SEMA4D: variants seen among roughly 807,000 people sequenced by gnomAD.
SEMA4D encodes the protein semaphorin-4D.
Under a neutral mutation model 74.8 loss-of-function variants are expected in SEMA4D, and 22 were observed. The ratio of observed to expected loss-of-function variants is 0.29; its 90% CI spans 0.21 to 0.42. The LOEUF (loss-of-function observed/expected upper bound fraction) is 0.42. SEMA4D is among the 10% of genes least tolerant of loss of function. SEMA4D has a pLI of 1.00. For synonymous variants in SEMA4D, 445 were observed against 463.7 expected (o/e 0.96, Z 0.52); for missense variants, 937 against 1,118.4 (o/e 0.84, Z 2.31).
At chr9:89,430,860 C>G (rs1587835794) in intron 2 of SEMA4D, among the ~76,000 whole-genome samples, 1 of 141,234 alleles carries the variant, frequency 7.1e-6, no homozygotes, top group African/African-American at 2.4e-5. Context: ...GCCTGTAATC[C>G]CAGCTACTCA....
At chr9:89,430,215 T>TCA (rs1189090023) in intron 2 of SEMA4D, among the ~76,000 whole-genome samples, 1 of 152,126 alleles carries the variant, frequency 6.6e-6, no homozygotes, top group African/African-American at 2.4e-5. Flanking sequence ...GAGGAAGTTT[T>TCA]CAGCAATACT....
intron 2 of SEMA4D, chr9:89,436,402 T>A (rs1019869944): frequency 6.6e-5 from 10 of 152,196 alleles, no homozygotes; most frequent in African/African-American, 2.4e-4. Context: ...CAGGACACCA[T>A]CTGGCCCCGC....
chr9:89,371,047 CAG>C (rs533738743), intron 16 of SEMA4D, among the ~76,000 whole-genome samples: 16 of 74,926 alleles, frequency 2.1e-4, no homozygotes, highest in African/African-American at 8.5e-4. Flanking sequence ...TGGTGTGTGT[CAG>C]GGGTATGTGT....
rs770903821 is a variant in SEMA4D at position 89,363,897 on chromosome 9, A to AG, written c.1935dup (p.Cys646LeufsTer29). On this transcript the variant is annotated frameshift_variant, in exon 17 of 19. Transcript: ENST00000339861. LOFTEE classifies it high-confidence loss of function. Reference sequence around the variant, plus strand: ...AGTGCATGGGTCTGCACAGGGACACAGGTCTCCAGAGCTCGCCCATTCTTC... The same window carrying AG: ...AGTGCATGGGTCTGCACAGGGACACAGGGTCTCCAGAGCTCGCCCATTCTTC... The AG allele has an allele frequency of 1.9e-6, 3 of 1,614,104 alleles. No individual in the cohort carries two copies. The highest frequency in any genetic ancestry group is 2.5e-6 in the Non-Finnish European group (3 of 1,180,016).
chr9:89,427,769 T>C (rs558286144), intron 2 of SEMA4D, among the ~76,000 whole-genome samples: 112 of 152,338 alleles, frequency 7.4e-4, no homozygotes, highest in African/African-American at 2.5e-3. Context: ...GTGGGGGTTC[T>C]CATTTTCCGA....
At chr9:89,379,705 A>G in intron 15 of SEMA4D, 76 bp from the exon 16 acceptor site, 1 of 1,467,070 alleles carries the variant, frequency 6.8e-7, no homozygotes, top group Non-Finnish European at 9.2e-7. Context: ...AAATACCCAC[A>G]AGATGACGCA....
At chr9:89,392,311 C>T in intron 8 of SEMA4D, 112 bp downstream of exon 8, 1 of 747,570 alleles carries the variant, frequency 1.3e-6, no homozygotes, top group Non-Finnish European at 2.3e-6. Flanking sequence ...CAAACAGGGG[C>T]TAACACAAGC....
At chr9:89,382,751 G>A (rs893395503) in intron 13 of SEMA4D, among the ~76,000 whole-genome samples, 9 of 152,242 alleles carry the variant, frequency 5.9e-5, no homozygotes, top group African/African-American at 1.9e-4. Context: ...CCAAGGGACA[G>A]CTGGTCCTGT....
chr9:89,385,866 G>GGGGGGGGGGGGGGGCCCC, intron 13 of SEMA4D: 3 of 196,226 alleles, frequency 1.5e-5, no homozygotes, highest in Non-Finnish European at 2.7e-5. Context: ...CAGCGTGGAT[G>GGGGGGGGGGGGGGGCCCC]CCCGCCCACC....
At chr9:89,414,784 C>T (rs1344969980) in intron 2 of SEMA4D, among the ~76,000 whole-genome samples, 2 of 152,214 alleles carry the variant, frequency 1.3e-5, no homozygotes. Flanking sequence ...CTGTGTTGGG[C>T]CGGACTCACC....
intron 13 of SEMA4D, chr9:89,385,166 C>G: frequency 1.1e-6 from 1 of 893,850 alleles, no homozygotes; most frequent in Non-Finnish European, 1.3e-6. Context: ...CTGTGCGGCC[C>G]TCCTCTTCCT....
At chr9:89,374,834 CCT>C (rs1165766078), downstream of SEMA4D, among the ~76,000 whole-genome samples, 15 of 152,176 alleles carry the variant, frequency 9.9e-5, no homozygotes, top group African/African-American at 3.1e-4. Flanking sequence ...AGGTGGATCC[CCT>C]GAGGTCAGTA....
At chr9:89,400,688 G>C (rs992502384) in intron 4 of SEMA4D, among the ~76,000 whole-genome samples, 2 of 152,200 alleles carry the variant, frequency 1.3e-5, no homozygotes, top group Non-Finnish European at 2.9e-5. Context: ...TCGTCAACTC[G>C]CATGAAATGC....
In SEMA4D at chr9:89,465,754, C is replaced by T. The variant is rs111539580; in HGVS notation, c.-309-9801G>A. On this transcript the variant is annotated intron_variant, in intron 1 of 15. Coordinates refer to ENST00000422704, the MANE Select transcript of SEMA4D (RefSeq NM_001371194.2). Reference sequence around the variant, plus strand: ...CTGAACCCATTTGCACGTCTAGGGACAAGGATTATTTGCATTGCCTTCGGA... The same window carrying T: ...CTGAACCCATTTGCACGTCTAGGGATAAGGATTATTTGCATTGCCTTCGGA... 5.7e-3 allele frequency among the ~76,000 whole-genome samples: 863 copies of T among 152,330 alleles called. 7 individuals carry two copies. The highest frequency in any genetic ancestry group is 0.02 in the African/African-American group (820 of 41,550).
chr9:89,373,080 C>CA (rs1160690902), downstream of SEMA4D, among the ~76,000 whole-genome samples: 2 of 152,124 alleles, frequency 1.3e-5, no homozygotes, highest in African/African-American at 4.8e-5. Context: ...TGGATGGGCA[C>CA]TGAGGCCCCT....
At chr9:89,426,044 A>C (rs993812241) in intron 2 of SEMA4D, among the ~76,000 whole-genome samples, 1 of 152,204 alleles carries the variant, frequency 6.6e-6, no homozygotes, top group Non-Finnish European at 1.5e-5. Flanking sequence ...GCCTGGGGAG[A>C]TGCCCTGCAC....
rs138187805 is a variant in SEMA4D at position 89,496,206 on chromosome 9, C to A, written c.-310+1713G>T. Among the ~76,000 whole-genome samples the A allele has an allele frequency of 8.5e-4, 129 of 152,336 alleles. 1 individual carries two copies. Among genetic ancestry groups the A allele is most frequent in the African/African-American group, 3.0e-3 (125 of 41,586 alleles). On this transcript the variant is annotated intron_variant, in intron 1 of 15. Transcript: ENST00000422704. Reference sequence around the variant, plus strand: ...GGCACTCAGGGGGGTCTGTGCAAGGCTGCATTTTCAACAGACTCTGGGTGT... The same window carrying A: ...GGCACTCAGGGGGGTCTGTGCAAGGATGCATTTTCAACAGACTCTGGGTGT...
intron 2 of SEMA4D, among the ~76,000 whole-genome samples, chr9:89,453,415 C>A (rs564326046): frequency 6.6e-6 from 1 of 152,352 alleles, no homozygotes; most frequent in African/African-American, 2.4e-5. Flanking sequence ...GGCTCTCTGG[C>A]TCCCCCAGAC....
intron 18 of SEMA4D, among the ~76,000 whole-genome samples, chr9:89,363,203 CT>C (rs534165902): frequency 1.3e-5 from 2 of 152,256 alleles, no homozygotes; most frequent in Admixed American, 1.3e-4. Flanking sequence ...CCTTCAGTCT[CT>C]TTTAAGGGCT....
Sources: allele counts gnomAD v4.1 joint callset (sites outside exome capture counted in the v4.1 genomes callset), GRCh38; gene constraint gnomAD v4.1.1; transcripts MANE v1.5; gene names NCBI Gene and HGNC (gene_info 2026-07-23, HGNC 2026-07-21).